The following DMD variants were observed in gnomAD, a reference collection of about 807,000 sequenced individuals.
DMD encodes the protein dystrophin.
In DMD, 63 loss-of-function variants were observed where a neutral mutation model predicts 330.1. That is an observed-to-expected ratio of 0.19 (90% CI 0.16 to 0.24). DMD has a LOEUF of 0.24. DMD is among the 10% of genes least tolerant of loss of function. The pLI is 1.00. For synonymous variants in DMD, 1,223 were observed against 959.8 expected, an observed-to-expected ratio of 1.27 and a Z score of -5.07; for missense variants, 3,344 against 2,684.1, an observed-to-expected ratio of 1.25 and a Z score of -5.43.
intron 52 of DMD, among the ~76,000 whole-genome samples, chrX:31,710,294 G>A (rs2084533339): frequency 8.9e-6 from 1 of 111,733 alleles, no homozygotes; most frequent in Admixed American, 9.5e-5. Context: ...CAGATAATAG[G>A]AGAGTGAAGG....
intron 7 of DMD, among the ~76,000 whole-genome samples, chrX:32,719,065 C>A (rs1022717534): frequency 9.0e-6 from 1 of 111,496 alleles, no homozygotes; most frequent in Non-Finnish European, 1.9e-5. Context: ...AGAAGGTAGG[C>A]AAATAGGTGA....
chrX:32,899,600 G>A (rs1221689941), intron 2 of DMD, among the ~76,000 whole-genome samples: 1 of 106,480 alleles, frequency 9.4e-6, no homozygotes, highest in Non-Finnish European at 1.9e-5. Flanking sequence ...CTTGAACCTG[G>A]GAGGCAGAGG....
In DMD at chrX:31,507,401, T is replaced by C. The variant is rs201996040; in HGVS notation, c.8270A>G (p.Glu2757Gly). 6.6e-6 allele frequency: 8 copies of C among 1,209,598 alleles called. No homozygotes were observed. The highest frequency in any genetic ancestry group is 8.9e-6 in the Non-Finnish European group (8 of 894,806). Reference protein sequence around the residue: ...AHTDVYHNLDENSQKILRSLE... With the variant: ...AHTDVYHNLDGNSQKILRSLE... Reference sequence around the variant, plus strand: ...GGATCTCAGGATTTTTTGGCTGTTTTCATCCAGGTTGTGATAAACATCTGT... The same window carrying C: ...GGATCTCAGGATTTTTTGGCTGTTTCCATCCAGGTTGTGATAAACATCTGT... Residue 2757 changes from glutamate (E) to glycine (G), a missense_variant, in exon 56 of 79, where the codon GAA becomes GGA. Glu to Gly is a moderately conservative substitution (Grantham distance 98). Transcript: ENST00000357033.
At chrX:32,335,614 C>A (rs1427509417) in intron 41 of DMD, among the ~76,000 whole-genome samples, 1 of 104,103 alleles carries the variant, frequency 9.6e-6, no homozygotes, top group Non-Finnish European at 1.9e-5. Flanking sequence ...CATTATAAAA[C>A]AAACATGTTA....
intron 13 of DMD, among the ~76,000 whole-genome samples, chrX:32,592,834 G>C (rs1160642573): frequency 8.9e-6 from 1 of 112,134 alleles, no homozygotes; most frequent in African/African-American, 3.2e-5. Context: ...GTGTCTCTGA[G>C]CTTTCAGGTG....
intron 44 of DMD, among the ~76,000 whole-genome samples, chrX:32,053,152 T>A (rs767780429): frequency 1.3e-4 from 15 of 111,488 alleles, no homozygotes; most frequent in African/African-American, 4.9e-4. Context: ...AATAGTTAGG[T>A]CACGCATTCA....
chrX:33,143,407 T>TTA (rs2047888905), intron 1 of DMD, among the ~76,000 whole-genome samples: 2 of 111,183 alleles, frequency 1.8e-5, no homozygotes, highest in African/African-American at 6.5e-5. Context: ...CTTAGAAAGG[T>TTA]TAAATAGATA....
At chrX:33,046,502 TAAC>T (rs1343766571) in intron 1 of DMD, among the ~76,000 whole-genome samples, 2 of 111,870 alleles carry the variant, frequency 1.8e-5, no homozygotes, top group African/African-American at 6.5e-5. Flanking sequence ...TCAAATCTTA[TAAC>T]AACTATTAAT....
chrX:32,491,690 T>G (rs2043012889), intron 19 of DMD, among the ~76,000 whole-genome samples, 172 bp from the exon 20 acceptor site: 1 of 112,222 alleles, frequency 8.9e-6, no homozygotes, highest in Non-Finnish European at 1.9e-5. Context: ...TTATTCAATG[T>G]GAATTATCAG....
At chrX:33,128,981 C>A (rs1441430356) in intron 1 of DMD, 1 of 111,822 alleles carries the variant, frequency 8.9e-6, no homozygotes, top group Non-Finnish European at 1.9e-5. Flanking sequence ...TCCACATAAA[C>A]CCTGTGTTTT....
intron 67 of DMD, among the ~76,000 whole-genome samples, chrX:31,203,288 G>GAA (rs775067715): frequency 0.02 from 1,409 of 69,607 alleles, 61 homozygotes; most frequent in African/African-American, 0.072. Flanking sequence ...ACTCAAAAAA[G>GAA]AAAAAAAAAA....
Position 31,943,859 on chromosome X carries a change from C to T in DMD, c.6615-11632G>A, listed in dbSNP as rs754849562. 7.4e-5 allele frequency among the ~76,000 whole-genome samples: 7 copies of T among 94,849 alleles called. No individual in the cohort carries two copies. In the South Asian group the frequency reaches 3.3e-3, roughly 45 times the overall value. The allele number at this position is 94,849 out of a possible 115,157, so 82.4% of individuals were successfully genotyped here. ...TGAATACATTATATAGAGACGGAAACCCGAAGTTCCCCAGAGAGTGAGAGA... is the reference window on the plus strand; with the variant it reads ...TGAATACATTATATAGAGACGGAAATCCGAAGTTCCCCAGAGAGTGAGAGA... On this transcript the variant is annotated intron_variant, in intron 45 of 78. Transcript: ENST00000357033.
chrX:32,369,048 C>A (rs889485266), intron 34 of DMD, among the ~76,000 whole-genome samples: 10 of 111,139 alleles, frequency 9.0e-5, no homozygotes, highest in African/African-American at 3.3e-4. Context: ...ATATACTTGG[C>A]ACTAAGGGTT....
At chrX:33,009,927 CACATGTGTGTATAT>C (rs1434520073) in intron 2 of DMD, among the ~76,000 whole-genome samples, 1 of 52,647 alleles carries the variant, frequency 1.9e-5, no homozygotes, top group African/African-American at 8.2e-5. Flanking sequence ...TGTGTGTATA[CACATGTGTGTATAT>C]ACACGTGTGT....
intron 15 of DMD, among the ~76,000 whole-genome samples, chrX:32,570,163 C>T (rs2052239081): frequency 3.6e-5 from 4 of 111,684 alleles, no homozygotes; most frequent in African/African-American, 1.3e-4. Context: ...ACAAATTACA[C>T]TTATTGTAAA....
rs765775496 is a variant in DMD, at chrX:32,377,742, A to C, written c.4845+2768T>G. Among the ~76,000 whole-genome samples the C allele has an allele frequency of 1.5e-3, 173 of 111,867 alleles. 1 individual carries two copies. Among genetic ancestry groups the C allele is most frequent in the African/African-American group, 5.3e-3 (163 of 30,890 alleles). ...CTCAGTTGCAGGAAAGCATATTCAC[A>C]GAAGGTTACATGATGTGACAATTAC... On this transcript the variant is annotated intron_variant, in intron 34 of 78. Coordinates refer to ENST00000357033, the MANE Select transcript of DMD (RefSeq NM_004006.3).
intron 13 of DMD, among the ~76,000 whole-genome samples, chrX:32,592,665 G>A (rs1411943256): frequency 8.9e-6 from 1 of 112,275 alleles, no homozygotes; most frequent in Non-Finnish European, 1.9e-5. Context: ...AAAAAGAGCT[G>A]TAACACAAAC....
chrX:32,074,468 G>C (rs140493867), intron 44 of DMD, among the ~76,000 whole-genome samples: 1,462 of 112,148 alleles, frequency 0.013, 25 homozygotes, highest in African/African-American at 0.044. Flanking sequence ...TTTGCTGCCT[G>C]TGTGCGTATG....
intron 1 of DMD, among the ~76,000 whole-genome samples, chrX:33,316,658 T>C (rs1022479091): frequency 9.0e-6 from 1 of 111,552 alleles, no homozygotes; most frequent in African/African-American, 3.3e-5. Flanking sequence ...TTCTGGGTTC[T>C]GTATTTTATT....
Sources: allele counts gnomAD v4.1 joint callset (sites outside exome capture counted in the v4.1 genomes callset), GRCh38; gene constraint gnomAD v4.1.1; transcripts MANE v1.5; gene names NCBI Gene and HGNC (gene_info 2026-07-23, HGNC 2026-07-21).